LARP1: variants seen among roughly 807,000 people sequenced by gnomAD.
LARP1 encodes La ribonucleoprotein 1, translational regulator.
A neutral mutation model predicts 122.7 loss-of-function variants in LARP1; 36 were observed. The observed-to-expected ratio is 0.29, with a 90% CI of 0.22 to 0.39. LARP1 has a LOEUF of 0.39. LARP1 is among the 10% of genes least tolerant of loss of function. The probability of loss-of-function intolerance (pLI) is 1.00; values close to 1 mark genes in which losing one functional copy is unlikely to be tolerated. For missense variants in LARP1, 1,040 were observed against 1,403.6 expected, an observed-to-expected ratio of 0.74 and a Z score of 4.14; for synonymous variants, 539 against 528.7, an observed-to-expected ratio of 1.02 and a Z score of -0.27.
At chr5:154,805,023 A>T (rs1213406387) in intron 14 of LARP1, 1 of 411,970 alleles carries the variant, frequency 2.4e-6, no homozygotes, top group African/African-American at 2.1e-5. Flanking sequence ...CCAATAACAT[A>T]TAGTCAATTA....
intron 1 of LARP1, among the ~76,000 whole-genome samples, chr5:154,781,664 G>T (rs747620382): frequency 6.6e-6 from 1 of 152,196 alleles, no homozygotes; most frequent in Non-Finnish European, 1.5e-5. Context: ...ATCATGCAAA[G>T]ACATTGTAAG....
upstream of LARP1, among the ~76,000 whole-genome samples, chr5:154,751,819 A>G (rs1244005616): frequency 2.0e-5 from 3 of 152,198 alleles, no homozygotes; most frequent in African/African-American, 7.2e-5. Context: ...TATAGGAAAA[A>G]CATAGTATAT....
chr5:154,685,085 A>G, intron 1 of LARP1, among the ~76,000 whole-genome samples: 1 of 152,130 alleles, frequency 6.6e-6, no homozygotes, highest in East Asian at 1.9e-4. Flanking sequence ...CTCTACTGAA[A>G]ATACAGAAAT....
intron 1 of LARP1, among the ~76,000 whole-genome samples, chr5:154,777,734 G>A (rs1315065305): frequency 6.6e-6 from 1 of 152,108 alleles, no homozygotes; most frequent in Admixed American, 6.6e-5. Context: ...AAATGCTGGA[G>A]ATGATGGATA....
Position 154,707,218 on chromosome 5 carries a change from G to A in LARP1, c.-180+24181G>A, listed in dbSNP as rs796663491. 7.9e-5 allele frequency among the ~76,000 whole-genome samples: 12 copies of A among 152,020 alleles called. 1 individual carries two copies. The highest frequency in any genetic ancestry group is 2.7e-4 in the African/African-American group (11 of 41,458). ...AGGCCAGGAGTTTGAGAATAGCCTT[G>A]GCAATACAGCCAGACCCTATCTCTA... On this transcript the variant is annotated intron_variant, in intron 1 of 18. Transcript: ENST00000687700.
chr5:154,814,211 G>A lies in LARP1; in HGVS notation c.*115G>A. The A allele has an allele frequency of 2.8e-6, 3 of 1,079,750 alleles. No homozygotes were observed. Among genetic ancestry groups the A allele is most frequent in the Non-Finnish European group, 4.1e-6 (3 of 735,266 alleles). The allele number at this position is 1,079,750 out of a possible 1,614,324, so 66.9% of individuals were successfully genotyped here. The stretch of plus-strand genomic sequence containing the variant: ...GAAGGGACAGGCCTGGAGTTACTAG[G>A]ACAGGCCTTTGTGCTGAGTAGCAAT... On this transcript the variant is annotated 3_prime_UTR_variant, in exon 19 of 19. Coordinates refer to ENST00000518297, the MANE Select transcript of LARP1 (RefSeq NM_033551.3).
At chr5:154,776,938 A>G (rs1438406216) in intron 1 of LARP1, among the ~76,000 whole-genome samples, 1 of 152,244 alleles carries the variant, frequency 6.6e-6, no homozygotes, top group Non-Finnish European at 1.5e-5. Flanking sequence ...ATACTAAGGA[A>G]TATAAATCTA....
chr5:154,733,815 G>A (rs1456991405), intron 1 of LARP1, among the ~76,000 whole-genome samples: 3 of 151,874 alleles, frequency 2.0e-5, no homozygotes, highest in African/African-American at 4.8e-5. Flanking sequence ...CGCCCACCTC[G>A]GCCTCTTAAA....
At chr5:154,781,398 C>T (rs911186735) in intron 1 of LARP1, among the ~76,000 whole-genome samples, 5 of 152,166 alleles carry the variant, frequency 3.3e-5, no homozygotes, top group African/African-American at 1.2e-4. Context: ...CGAGACCATC[C>T]TGGCTAATAT....
At chr5:154,712,142 A>G (rs947526998), upstream of LARP1, among the ~76,000 whole-genome samples, 1 of 152,196 alleles carries the variant, frequency 6.6e-6, no homozygotes, top group Non-Finnish European at 1.5e-5. Flanking sequence ...GCTGCTGAAT[A>G]ATAATGCCTT....
intron 1 of LARP1, among the ~76,000 whole-genome samples, chr5:154,706,374 A>G (rs920798348): frequency 4.6e-5 from 7 of 151,840 alleles, no homozygotes; most frequent in Non-Finnish European, 1.0e-4. Context: ...CTACACAGCC[A>G]TACAAAAAGA....
chr5:154,713,122 G>T (rs1436498575), exon 1 of LARP1: 6 of 1,613,290 alleles, frequency 3.7e-6, no homozygotes, highest in Non-Finnish European at 5.1e-6. Context: ...GCCCCCTTCA[G>T]CAACCCTGGT....
At chr5:154,685,730 G>C (rs1753903139) in intron 1 of LARP1, 1 of 382,382 alleles carries the variant, frequency 2.6e-6, no homozygotes, top group Non-Finnish European at 5.1e-6. Flanking sequence ...CCAACACTTT[G>C]GGAGGCCAAG....
intron 14 of LARP1, chr5:154,805,355 C>T: frequency 5.2e-6 from 1 of 192,466 alleles, no homozygotes; most frequent in Non-Finnish European, 1.1e-5. Context: ...TCTCGAGTGG[C>T]AAAGGGGAAT....
chr5:154,741,312 C>T (rs1752870194), intron 1 of LARP1, among the ~76,000 whole-genome samples: 1 of 152,168 alleles, frequency 6.6e-6, no homozygotes, highest in South Asian at 2.1e-4. Context: ...AGCAGCTTGT[C>T]AGAGGCCACG....
At position 154,777,164 on chromosome 5, in the gene LARP1, G is replaced by C. The variant is rs1224175423; in HGVS notation, c.437-13161G>C. On this transcript the variant is annotated intron_variant, in intron 1 of 18. Coordinates refer to ENST00000518297, the MANE Select transcript of LARP1 (RefSeq NM_033551.3). ...CATGTTCCTATACTGAATACTGTAGGAGTTGTAATACAATGGTAAGTATTT... is the reference window on the plus strand; with the variant it reads ...CATGTTCCTATACTGAATACTGTAGCAGTTGTAATACAATGGTAAGTATTT... Among the ~76,000 whole-genome samples the C allele has an allele frequency of 2.0e-5, 3 of 152,256 alleles. No individual in the cohort carries two copies. In the East Asian group the frequency reaches 5.8e-4, roughly 29 times the overall value.
intron 1 of LARP1, among the ~76,000 whole-genome samples, chr5:154,684,903 G>A (rs1185040362): frequency 1.3e-5 from 2 of 152,156 alleles, no homozygotes; most frequent in South Asian, 2.1e-4. Flanking sequence ...AAATGACGTG[G>A]TTAGGGAGTG....
chr5:154,748,983 T>C (rs1013748568), intron 1 of LARP1, among the ~76,000 whole-genome samples: 2 of 152,220 alleles, frequency 1.3e-5, no homozygotes, highest in Admixed American at 6.5e-5. Context: ...ATCTGGTGCA[T>C]TGCAGATGCT....
chr5:154,698,559 T>C (rs1248898503), intron 1 of LARP1, among the ~76,000 whole-genome samples: 1 of 152,186 alleles, frequency 6.6e-6, no homozygotes, highest in African/African-American at 2.4e-5. Flanking sequence ...ATCACACCAC[T>C]GCACTCCAGC....
Sources: allele counts gnomAD v4.1 joint callset (sites outside exome capture counted in the v4.1 genomes callset), GRCh38; gene constraint gnomAD v4.1.1; transcripts MANE v1.5; gene names NCBI Gene and HGNC (gene_info 2026-07-23, HGNC 2026-07-21).